Variants in AFG1L observed in about 807,000 individuals in gnomAD.
The protein encoded by AFG1L is AFG1-like ATPase.
A neutral mutation model predicts 62.2 loss-of-function variants in AFG1L; 53 were observed. The ratio of observed to expected loss-of-function variants is 0.85; its 90% CI spans 0.68 to 1.07. The LOEUF (loss-of-function observed/expected upper bound fraction) is 1.07. Among genes scored for constraint, AFG1L ranks in the 50% least tolerant of loss-of-function variants. The pLI, the probability that AFG1L is intolerant of heterozygous loss-of-function variation, is 0.00. For synonymous variants in AFG1L, 228 were observed against 210.3 expected (o/e 1.08, Z -0.73); for missense variants, 555 against 590.5 (o/e 0.94, Z 0.62).
At chr6:108,510,824 C>T (rs566144664) in intron 11 of AFG1L, among the ~76,000 whole-genome samples, 2 of 152,264 alleles carry the variant, frequency 1.3e-5, no homozygotes, top group Admixed American at 6.5e-5. Context: ...TCATGCCTAT[C>T]ATCCCAGCAC....
At chr6:108,384,042 A>G (rs1376270320) in intron 6 of AFG1L, among the ~76,000 whole-genome samples, 1 of 145,828 alleles carries the variant, frequency 6.9e-6, no homozygotes, top group African/African-American at 2.6e-5. Context: ...CTACACAACT[A>G]TGTGAAGGTC....
intron 10 of AFG1L, among the ~76,000 whole-genome samples, chr6:108,493,878 T>A (rs929116598): frequency 6.6e-6 from 1 of 152,128 alleles, no homozygotes; most frequent in Non-Finnish European, 1.5e-5. Context: ...TCACTGTCAC[T>A]CAGGCTGGAG....
intron 6 of AFG1L, chr6:108,387,698 T>G (rs1406930303): frequency 6.6e-6 from 1 of 152,210 alleles, no homozygotes; most frequent in Non-Finnish European, 1.5e-5. Flanking sequence ...ATTTTTAAGT[T>G]TTTTTTCTTT....
intron 2 of AFG1L, among the ~76,000 whole-genome samples, chr6:108,337,812 T>C (rs901050823): frequency 6.6e-6 from 1 of 152,204 alleles, no homozygotes; most frequent in Non-Finnish European, 1.5e-5. Context: ...CATCTTGGGA[T>C]TGGTGCTTGG....
At chr6:108,518,866 G>A (rs1195653157) in intron 11 of AFG1L, among the ~76,000 whole-genome samples, 2 of 152,218 alleles carry the variant, frequency 1.3e-5, no homozygotes, top group African/African-American at 4.8e-5. Flanking sequence ...GAATAGCAAT[G>A]CACTGAACTT....
chr6:108,411,049 C>G (rs1376674946), intron 7 of AFG1L, among the ~76,000 whole-genome samples: 1 of 152,148 alleles, frequency 6.6e-6, no homozygotes, highest in African/African-American at 2.4e-5. Flanking sequence ...CCTGGAAAAT[C>G]GGGACACTCC....
chr6:108,332,466 T>C (rs766833885), intron 2 of AFG1L, among the ~76,000 whole-genome samples: 1 of 152,210 alleles, frequency 6.6e-6, no homozygotes, highest in Non-Finnish European at 1.5e-5. Context: ...TTCACTAAAT[T>C]AGCATGGGAT....
intron 2 of AFG1L, among the ~76,000 whole-genome samples, chr6:108,338,527 A>T (rs1778556150): frequency 6.6e-6 from 1 of 151,882 alleles, no homozygotes; most frequent in Non-Finnish European, 1.5e-5. Flanking sequence ...TAGAGATGAG[A>T]TCTCTCTATG....
intron 10 of AFG1L, among the ~76,000 whole-genome samples, chr6:108,506,854 G>C (rs2114889585): frequency 6.6e-6 from 1 of 152,258 alleles, no homozygotes; most frequent in East Asian, 1.9e-4. Flanking sequence ...CACAGATATG[G>C]GGAGCCAACT....
chr6:108,432,306 C>T (rs1263306829), intron 7 of AFG1L, among the ~76,000 whole-genome samples: 2 of 152,020 alleles, frequency 1.3e-5, no homozygotes, highest in Non-Finnish European at 2.9e-5. Flanking sequence ...CCCTTCTGTA[C>T]ATTCTTATGT....
chr6:108,296,520 T>G (rs1180572082), intron 1 of AFG1L, among the ~76,000 whole-genome samples: 1 of 152,180 alleles, frequency 6.6e-6, no homozygotes, highest in African/African-American at 2.4e-5. Context: ...TCCAGATATA[T>G]TCTGTGTATG....
At chr6:108,454,899 A>G (rs1027338269) in intron 8 of AFG1L, among the ~76,000 whole-genome samples, 3 of 152,048 alleles carry the variant, frequency 2.0e-5, no homozygotes, top group Non-Finnish European at 4.4e-5. Context: ...TCGGCCTCCC[A>G]AAGTGCTGGG....
chr6:108,396,954 ACAATT>A (rs1471594704), intron 6 of AFG1L, among the ~76,000 whole-genome samples: 1 of 152,210 alleles, frequency 6.6e-6, no homozygotes, highest in East Asian at 1.9e-4. Context: ...TTTTAAATGT[ACAATT>A]AAATTATTAT....
rs1375053427 is a variant in AFG1L, at chr6:108,458,732, T to C, written c.890+11436T>C. ...CTTTGTCTACTAATACTATCATCTA[T>C]GTCATTTCTGGGTCTGTTTCTATTG... is the stretch of plus-strand genomic sequence containing the variant. On this transcript the variant is annotated intron_variant, in intron 8 of 12. Coordinates refer to ENST00000368977, the MANE Select transcript of AFG1L (RefSeq NM_145315.5). Among the ~76,000 whole-genome samples the C allele has an allele frequency of 3.3e-5, 5 of 152,224 alleles. No homozygotes were observed. The South Asian group carries it at 1.0e-3, about 32-fold the overall frequency.
Position 108,295,307 on chromosome 6 carries a change from G to C in AFG1L, c.139+89G>C, listed in dbSNP as rs2114804962. 4 of 1,444,742 alleles carry C rather than the reference G, an allele frequency of 2.8e-6. No homozygotes were observed. In the Middle Eastern group the frequency reaches 5.5e-4, roughly 197 times the overall value. The allele number at this position is 1,444,742 out of a possible 1,614,324, so 89.5% of individuals were successfully genotyped here. A position where few individuals can be genotyped will look rare whatever the true frequency, so the allele number is the denominator to read the frequency against. Reference sequence around the variant, plus strand: ...ACCCTCCCTGTCCGATCTACCCCAGGTGTCTCCTGCTTTCACGAAGCTGAG... The same window carrying C: ...ACCCTCCCTGTCCGATCTACCCCAGCTGTCTCCTGCTTTCACGAAGCTGAG... On this transcript the variant is annotated intron_variant, in intron 1 of 12. Transcript: ENST00000368977.
At chr6:108,521,199 C>G (rs1240420414) in intron 12 of AFG1L, 1 of 152,096 alleles carries the variant, frequency 6.6e-6, no homozygotes, top group Non-Finnish European at 1.5e-5. Context: ...ACTTTTTTCC[C>G]CTAGGCTGGT....
At chr6:108,441,345 A>G (rs1356102530) in intron 7 of AFG1L, among the ~76,000 whole-genome samples, 1 of 152,160 alleles carries the variant, frequency 6.6e-6, no homozygotes. Context: ...CCTTTGACAC[A>G]TGAGTATGCT....
At chr6:108,426,441 A>G (rs180712936) in intron 7 of AFG1L, among the ~76,000 whole-genome samples, 1 of 152,208 alleles carries the variant, frequency 6.6e-6, no homozygotes, top group Non-Finnish European at 1.5e-5. Context: ...TAGTATAGTT[A>G]TAAAAAAGAT....
At chr6:108,416,489 G>A (rs536611293) in intron 7 of AFG1L, among the ~76,000 whole-genome samples, 8 of 152,268 alleles carry the variant, frequency 5.3e-5, no homozygotes, top group Non-Finnish European at 1.2e-4. Flanking sequence ...GTTTATTGCA[G>A]CACTATTCAC....
Sources: allele counts gnomAD v4.1 joint callset (sites outside exome capture counted in the v4.1 genomes callset), GRCh38; gene constraint gnomAD v4.1.1; transcripts MANE v1.5; gene names NCBI Gene and HGNC (gene_info 2026-07-23, HGNC 2026-07-21).